Variants in EVI5 observed in about 807,000 individuals in gnomAD.
The protein encoded by EVI5 is ecotropic viral integration site 5 protein homolog.
EVI5 carries 73 observed loss-of-function variants against 112.0 expected under a neutral mutation model. The observed-to-expected ratio is 0.65, with a 90% CI of 0.54 to 0.79. EVI5 has a LOEUF of 0.79. Ranked by LOEUF, EVI5 falls within the 30% of genes least tolerant of loss-of-function variation. EVI5 has a pLI of 0.00. For missense variants in EVI5, 900 were observed against 968.8 expected (o/e 0.93, Z 0.94); for synonymous variants, 305 against 319.9 (o/e 0.95, Z 0.50).
chr1:92,723,959 A>G (rs1675156389), intron 2 of EVI5, among the ~76,000 whole-genome samples: 1 of 152,130 alleles, frequency 6.6e-6, no homozygotes, highest in Non-Finnish European at 1.5e-5. Context: ...CAGACTTACT[A>G]GGATTGGGAA....
chr1:92,633,267 G>A (rs946305980), intron 14 of EVI5, among the ~76,000 whole-genome samples: 1 of 152,224 alleles, frequency 6.6e-6, no homozygotes, highest in African/African-American at 2.4e-5. Context: ...AATGTTGACA[G>A]TGGGGTGTTA....
intron 17 of EVI5, among the ~76,000 whole-genome samples, chr1:92,605,901 A>G (rs1650268574): frequency 6.6e-6 from 1 of 152,226 alleles, no homozygotes; most frequent in African/African-American, 2.4e-5. Flanking sequence ...TCAGATTTAC[A>G]TAATTCACGG....
chr1:92,719,420 A>G (rs1018394616), intron 2 of EVI5, among the ~76,000 whole-genome samples: 6 of 151,890 alleles, frequency 4.0e-5, no homozygotes, highest in African/African-American at 7.3e-5. Context: ...GTAATCCATC[A>G]CATAAACAGA....
chr1:92,518,318 T>C (rs1007858107), intron 19 of EVI5, among the ~76,000 whole-genome samples: 4 of 152,200 alleles, frequency 2.6e-5, no homozygotes, highest in African/African-American at 9.7e-5. Flanking sequence ...ACAAAAAGTA[T>C]TATATTTCCA....
intron 19 of EVI5, 92 bp downstream of exon 19, chr1:92,563,550 G>C: frequency 3.4e-6 from 2 of 591,102 alleles, no homozygotes; most frequent in Non-Finnish European, 6.0e-6. Context: ...TATTCAGCAT[G>C]AAAGTGTCAG....
chr1:92,642,209 G>C (rs1235223384), intron 13 of EVI5, among the ~76,000 whole-genome samples: 1 of 152,064 alleles, frequency 6.6e-6, no homozygotes, highest in Non-Finnish European at 1.5e-5. Flanking sequence ...CCTTTAAGAA[G>C]ACATTTACCT....
At chr1:92,565,698 G>C (rs1380386071) in intron 18 of EVI5, among the ~76,000 whole-genome samples, 1 of 152,018 alleles carries the variant, frequency 6.6e-6, no homozygotes. Flanking sequence ...GCCAGGCGCG[G>C]TGGCTCATGC....
intron 1 of EVI5, among the ~76,000 whole-genome samples, chr1:92,760,040 A>G (rs1017682993): frequency 1.3e-5 from 2 of 152,332 alleles, no homozygotes; most frequent in African/African-American, 4.8e-5. Flanking sequence ...GAAACTGCCA[A>G]AAGCAATTAC....
chr1:92,663,329 C>A, intron 12 of EVI5, 91 bp downstream of exon 12: 2 of 545,470 alleles, frequency 3.7e-6, no homozygotes, highest in South Asian at 3.4e-5. Flanking sequence ...TGTAAAATTG[C>A]ATGCATTAAA....
At chr1:92,658,317 G>C (rs754322500) in intron 13 of EVI5, among the ~76,000 whole-genome samples, 5 of 152,126 alleles carry the variant, frequency 3.3e-5, no homozygotes, top group Non-Finnish European at 7.4e-5. Context: ...CTGATGTTAT[G>C]ATCTTATACC....
intron 18 of EVI5, among the ~76,000 whole-genome samples, chr1:92,566,518 T>C (rs1297783961): frequency 6.6e-6 from 1 of 152,208 alleles, no homozygotes; most frequent in Non-Finnish European, 1.5e-5. Flanking sequence ...TGGATAATAA[T>C]TGACAATAAT....
chr1:92,753,744 A>G (rs1348531347), intron 1 of EVI5, among the ~76,000 whole-genome samples: 6 of 152,150 alleles, frequency 3.9e-5, no homozygotes, highest in African/African-American at 9.7e-5. Flanking sequence ...TTTGGAATCT[A>G]ATTTTGGAAT....
chr1:92,747,955 C>T (rs1679560712), intron 1 of EVI5, among the ~76,000 whole-genome samples: 1 of 152,060 alleles, frequency 6.6e-6, no homozygotes, highest in Non-Finnish European at 1.5e-5. Context: ...TGACATTCTC[C>T]CCTCCAGTGA....
chr1:92,578,155 G>A (rs781110770), intron 18 of EVI5, among the ~76,000 whole-genome samples: 39 of 152,068 alleles, frequency 2.6e-4, no homozygotes, highest in Non-Finnish European at 4.7e-4. Flanking sequence ...CCATGTGAAC[G>A]CTATTTCATC....
At chr1:92,775,687 T>C (rs1464065705) in intron 1 of EVI5, among the ~76,000 whole-genome samples, 1 of 152,216 alleles carries the variant, frequency 6.6e-6, no homozygotes. Flanking sequence ...ACAACTCATT[T>C]CTCAGAACAT....
At position 92,557,080 on chromosome 1, in the gene EVI5, C is replaced by T. The variant is rs528047951; in HGVS notation, c.2166+6562G>A. On this transcript the variant is annotated intron_variant, in intron 19 of 19. Transcript: ENST00000684568. ...TACTTAAAAAAAGCTTCCTGTGACACATAATTTAACTTAGAAAAATTGCCT... is the reference window on the plus strand; with the variant it reads ...TACTTAAAAAAAGCTTCCTGTGACATATAATTTAACTTAGAAAAATTGCCT... Among the ~76,000 whole-genome samples, 12 of 152,244 alleles carry T rather than the reference C, an allele frequency of 7.9e-5. No individual in the cohort carries two copies. The South Asian group carries it at 2.1e-3, about 26-fold the overall frequency.
At chr1:92,553,587 C>A (rs1044357665) in intron 19 of EVI5, among the ~76,000 whole-genome samples, 31 of 152,070 alleles carry the variant, frequency 2.0e-4, no homozygotes, top group Non-Finnish European at 4.1e-4. Context: ...AGGCGTGAGC[C>A]ACCGTGCCCA....
chr1:92,575,085 G>C (rs1043580753), intron 18 of EVI5, among the ~76,000 whole-genome samples: 11 of 152,128 alleles, frequency 7.2e-5, no homozygotes, highest in Non-Finnish European at 1.2e-4. Context: ...TAAAAGCATC[G>C]AGTCCATTAT....
chr1:92,553,764 A>G (rs558195229), intron 19 of EVI5, among the ~76,000 whole-genome samples: 1 of 152,308 alleles, frequency 6.6e-6, no homozygotes, highest in East Asian at 1.9e-4. Context: ...TTTTTCCCAG[A>G]CTACAGTATG....
Sources: gnomAD v4.1 joint callset for allele counts (sites outside exome capture counted in the v4.1 genomes callset) on GRCh38, gnomAD v4.1.1 for gene constraint, MANE v1.5 for transcripts, NCBI Gene and HGNC (gene_info 2026-07-23, HGNC 2026-07-21) for gene names.